The following PAN3 variants were observed in gnomAD, a reference collection of about 807,000 sequenced individuals.
The protein encoded by PAN3 is PAN2-PAN3 deadenylation complex subunit PAN3.
PAN3 carries 19 observed loss-of-function variants against 96.2 expected under a neutral mutation model. The observed-to-expected ratio is 0.20, with a 90% confidence interval of 0.14 to 0.29. PAN3 has a LOEUF of 0.29. Ranked by LOEUF, PAN3 falls within the 10% of genes least tolerant of loss-of-function variation. The probability of loss-of-function intolerance (pLI) is 1.00; values close to 1 mark genes in which losing one functional copy is unlikely to be tolerated. For synonymous variants in PAN3, 433 were observed against 406.6 expected (o/e 1.06, Z -0.78); for missense variants, 882 against 1,108.1 (o/e 0.80, Z 2.90).
rs1252816986 is a variant in PAN3, at chr13:28,138,728, C to T, written c.71C>T (p.Ala24Val). The change falls in exon 1 of 19, where the codon GCG (alanine) becomes GTG (valine). Residue 24 changes from alanine (A) to valine (V), a missense_variant. Physicochemically the swap from Ala to Val is moderately conservative, Grantham distance 64. This residue lies in a region of PAN3 where 442 missense variants were observed against 422.8 expected (regional missense o/e 1.05). Transcript: ENST00000380958. Reference protein sequence around the residue: ...ASPSSSSLAAAVAVVAPPGVG... With the variant: ...ASPSSSSLAAVVAVVAPPGVG... ...CCTTCCTCCTCCTCGCTGGCGGCGG[C>T]GGTGGCGGTGGTGGCCCCGCCGGGG... 6.4e-6 allele frequency: 8 copies of T among 1,259,434 alleles called. No individual in the cohort carries two copies. The East Asian group carries it at 1.3e-4, about 20-fold the overall frequency. The allele number at this position is 1,259,434 out of a possible 1,614,324, so 78.0% of individuals were successfully genotyped here. A position where few individuals can be genotyped will look rare whatever the true frequency, so the allele number is the denominator to read the frequency against.
chr13:28,284,321 A>G (rs1002546554), intron 17 of PAN3, among the ~76,000 whole-genome samples: 12 of 149,724 alleles, frequency 8.0e-5, no homozygotes, highest in African/African-American at 2.4e-4. Flanking sequence ...TTTATTTTCA[A>G]TTGGATTGCT....
chr13:28,141,003 CT>C (rs979248659), intron 1 of PAN3, among the ~76,000 whole-genome samples: 1,135 of 112,884 alleles, frequency 0.01, 4 homozygotes, highest in Non-Finnish European at 0.014. Context: ...GAAAGAGACA[CT>C]TTTTTTTTTT....
At chr13:28,217,264 G>A (rs1381216008) in intron 5 of PAN3, among the ~76,000 whole-genome samples, 1 of 151,790 alleles carries the variant, frequency 6.6e-6, no homozygotes, top group Non-Finnish European at 1.5e-5. Context: ...TATATAAGAA[G>A]CACTTGGTTG....
At chr13:28,225,686 G>T (rs1313673873) in intron 6 of PAN3, among the ~76,000 whole-genome samples, 1 of 152,138 alleles carries the variant, frequency 6.6e-6, no homozygotes, top group Non-Finnish European at 1.5e-5. Context: ...TCAGTCTTCT[G>T]CTAAACCAAA....
rs1486058897 is a variant in PAN3, at chr13:28,220,231, A to T, written c.853A>T (p.Thr285Ser). 6 of 1,610,376 alleles carry T rather than the reference A, an allele frequency of 3.7e-6. No homozygotes were observed. Among genetic ancestry groups the T allele is most frequent in the Non-Finnish European group, 5.1e-6 (6 of 1,178,170 alleles). Residue 285 changes from threonine to serine, a missense_variant and splice_region_variant, in exon 6 of 19, where the codon ACA (threonine) becomes TCA (serine). Thr to Ser is a moderately conservative substitution (Grantham distance 58). Around this residue, in one of 3 missense-constraint regions of PAN3, gnomAD observed 442 missense variants for 422.8 expected, o/e 1.05. Transcript: ENST00000380958. ...WNRVTENNLQ[T>S]PNPTASEFIP... ...CTTACTATATTTGATTTTTAAATAGACACCAAATCCTACTGCAAGCGAGTT... is the reference window on the plus strand; with the variant it reads ...CTTACTATATTTGATTTTTAAATAGTCACCAAATCCTACTGCAAGCGAGTT...
At chr13:28,257,897 C>T (rs1885350092) in intron 7 of PAN3, among the ~76,000 whole-genome samples, 2 of 150,966 alleles carry the variant, frequency 1.3e-5, no homozygotes, top group Admixed American at 6.7e-5. Flanking sequence ...ACTGCAGCCT[C>T]CGCCTCCTGG....
chr13:28,251,343 G>A (rs768357055), intron 6 of PAN3, among the ~76,000 whole-genome samples: 1 of 152,174 alleles, frequency 6.6e-6, no homozygotes, highest in Non-Finnish European at 1.5e-5. Context: ...GTTCTTTTAA[G>A]TGCGATTATT....
intron 6 of PAN3, among the ~76,000 whole-genome samples, chr13:28,242,947 T>C (rs1427320833): frequency 6.6e-6 from 1 of 152,214 alleles, no homozygotes; most frequent in Non-Finnish European, 1.5e-5. Flanking sequence ...GTATCATAAT[T>C]GGTGTCTTTA....
At chr13:28,230,594 G>T (rs1028232388) in intron 6 of PAN3, among the ~76,000 whole-genome samples, 3 of 152,138 alleles carry the variant, frequency 2.0e-5, no homozygotes, top group African/African-American at 7.2e-5. Flanking sequence ...CTAAATTGTT[G>T]TTAATGTTAG....
At chr13:28,289,726 A>T (rs990091373) in intron 18 of PAN3, among the ~76,000 whole-genome samples, 5 of 152,156 alleles carry the variant, frequency 3.3e-5, no homozygotes, top group South Asian at 2.1e-4. Context: ...CTAAAAAATT[A>T]AAAAAGTTAG....
intron 4 of PAN3, among the ~76,000 whole-genome samples, chr13:28,189,333 T>C (rs1876901442): frequency 6.6e-6 from 1 of 151,996 alleles, no homozygotes; most frequent in African/African-American, 2.4e-5. Flanking sequence ...CTGGCCAACA[T>C]GGTGAAACCT....
chr13:28,228,942 G>A (rs1372351692), intron 6 of PAN3, among the ~76,000 whole-genome samples: 2 of 152,196 alleles, frequency 1.3e-5, no homozygotes, highest in Admixed American at 6.5e-5. Context: ...TCCAAGGCAG[G>A]TGTTCAGGTT....
At position 28,186,555 on chromosome 13, in the gene PAN3, TTATC is replaced by T. The variant is rs1184000640; in HGVS notation, c.690+8623_690+8626del. Among the ~76,000 whole-genome samples, 9 of 150,200 alleles carry T rather than the reference TTATC, an allele frequency of 6.0e-5. No homozygotes were observed. In the South Asian group the frequency reaches 1.1e-3, roughly 18 times the overall value. ...TATGATCTGCAATTTAAAAGTTTGTTTATCTAATTATGTACAAGACGACTTTTCA... is the reference window on the plus strand; with the variant it reads ...TATGATCTGCAATTTAAAAGTTTGTTTAATTATGTACAAGACGACTTTTCA... On this transcript the variant is annotated intron_variant, in intron 4 of 18. Transcript: ENST00000380958.
At chr13:28,165,450 GTTT>G (rs1873416443) in intron 1 of PAN3, among the ~76,000 whole-genome samples, 5 of 151,948 alleles carry the variant, frequency 3.3e-5, no homozygotes, top group African/African-American at 9.6e-5. Flanking sequence ...TTGAAAGACT[GTTT>G]AGTATAGTAG....
intron 6 of PAN3, among the ~76,000 whole-genome samples, chr13:28,231,252 G>T (rs950533712): frequency 2.6e-5 from 4 of 152,060 alleles, no homozygotes; most frequent in African/African-American, 9.7e-5. Flanking sequence ...ATTAATTAAT[G>T]ACAGTTCATC....
intron 6 of PAN3, chr13:28,232,530 A>G (rs1384743478): frequency 6.6e-6 from 1 of 152,184 alleles, no homozygotes; most frequent in Non-Finnish European, 1.5e-5. Flanking sequence ...ATACGCTAAA[A>G]TTAGAACAGT....
At chr13:28,157,301 A>G (rs1407704396) in intron 1 of PAN3, among the ~76,000 whole-genome samples, 1 of 152,156 alleles carries the variant, frequency 6.6e-6, no homozygotes, top group African/African-American at 2.4e-5. Context: ...GAGAACTGGA[A>G]CAAGACAAGG....
At chr13:28,250,663 G>A (rs1217577259) in intron 6 of PAN3, among the ~76,000 whole-genome samples, 5 of 151,952 alleles carry the variant, frequency 3.3e-5, no homozygotes, top group Non-Finnish European at 5.9e-5. Flanking sequence ...CACCGCACCC[G>A]GCCTAATTTT....
At chr13:28,264,647 C>G (rs377741875) in intron 9 of PAN3, among the ~76,000 whole-genome samples, 1 of 152,070 alleles carries the variant, frequency 6.6e-6, no homozygotes, top group East Asian at 1.9e-4. Context: ...TACTAGCAAC[C>G]CCATAGCAAA....
Sources: allele counts gnomAD v4.1 joint callset (sites outside exome capture counted in the v4.1 genomes callset), GRCh38; gene constraint gnomAD v4.1.1; regional missense constraint gnomAD v4.1.1; transcripts MANE v1.5; gene names NCBI Gene and HGNC (gene_info 2026-07-23, HGNC 2026-07-21).